Variants in PCGF5 observed in about 807,000 individuals in gnomAD.
PCGF5 encodes polycomb group ring finger 5, also known as polycomb group RING finger protein 5.
A neutral mutation model predicts 44.3 loss-of-function variants in PCGF5; 9 were observed. The observed-to-expected ratio is 0.20, with a 90% CI of 0.12 to 0.35. The LOEUF is 0.35. PCGF5 is among the 10% of genes least tolerant of loss of function. The probability of loss-of-function intolerance (pLI) is 1.00; values close to 1 mark genes in which losing one functional copy is unlikely to be tolerated. For missense variants in PCGF5, 146 were observed against 305.3 expected, an observed-to-expected ratio of 0.48 and a Z score of 3.89; for synonymous variants, 95 against 102.5, an observed-to-expected ratio of 0.93 and a Z score of 0.44.
intron 8 of PCGF5, among the ~76,000 whole-genome samples, chr10:91,269,485 G>T (rs527635395): frequency 4.6e-5 from 7 of 152,090 alleles, no homozygotes; most frequent in South Asian, 4.1e-4. Context: ...TCCTTTTGTG[G>T]CTGTAGCATA....
At chr10:91,274,355 T>G (rs1846256014) in intron 9 of PCGF5, among the ~76,000 whole-genome samples, 2 of 152,164 alleles carry the variant, frequency 1.3e-5, no homozygotes, top group African/African-American at 4.8e-5. Context: ...ATTTTAAAGC[T>G]GAAGTAATTA....
chr10:91,278,192 C>A, intron 9 of PCGF5, 77 bp from the exon 10 acceptor site: 1 of 1,247,904 alleles, frequency 8.0e-7, no homozygotes, highest in Non-Finnish European at 1.2e-6. Flanking sequence ...ACTCCGAATT[C>A]TTAAAATCTT....
At chr10:91,174,855 C>G (rs1843674365) in intron 1 of PCGF5, among the ~76,000 whole-genome samples, 1 of 152,194 alleles carries the variant, frequency 6.6e-6, no homozygotes, top group Admixed American at 6.5e-5. Context: ...TACTGTCAGT[C>G]TCTCCTGCAA....
At position 91,251,298 on chromosome 10, in the gene PCGF5, C is replaced by T. The variant is rs375287111; in HGVS notation, c.332C>T (p.Thr111Ile). ...NKPQENGQDD[T>I]SKADKPKVDE... ...TTTTGTTTAAATTATACAGATGATA[C>T]TTCAAAAGCTGACAAACCGAAAGTA... The change falls in exon 6 of 10, where the codon ACT becomes ATT. Residue 111 changes from threonine (T) to isoleucine (I), a missense_variant. This residue lies in a region of PCGF5 where 123 missense variants were observed against 268.6 expected (regional missense o/e 0.46). Coordinates refer to ENST00000336126, the MANE Select transcript of PCGF5 (RefSeq NM_032373.5). The T allele has an allele frequency of 3.1e-6, 5 of 1,605,940 alleles. No homozygotes were observed. Among genetic ancestry groups the T allele is most frequent in the South Asian group, 1.1e-5 (1 of 90,816 alleles).
intron 1 of PCGF5, among the ~76,000 whole-genome samples, chr10:91,214,210 G>A (rs1844501722): frequency 6.6e-6 from 1 of 152,076 alleles, no homozygotes; most frequent in Non-Finnish European, 1.5e-5. Context: ...GTTGAGGTGG[G>A]AGGATCACTT....
intron 3 of PCGF5, among the ~76,000 whole-genome samples, chr10:91,247,624 A>G (rs1845501460): frequency 2.0e-5 from 3 of 152,056 alleles, no homozygotes; most frequent in Admixed American, 2.0e-4. Flanking sequence ...AATGGGATTG[A>G]AGACAAAAGG....
rs1351803360 is a variant in PCGF5, at chr10:91,247,339, G to A, written c.210-1166G>A. Reference sequence around the variant, plus strand: ...AATTTTAAACCTATTCAATATGGAAGTTATAGATGATTTTGAGAATTCAGT... The same window carrying A: ...AATTTTAAACCTATTCAATATGGAAATTATAGATGATTTTGAGAATTCAGT... On this transcript the variant is annotated intron_variant, in intron 3 of 9. Coordinates refer to ENST00000336126, the MANE Select transcript of PCGF5 (RefSeq NM_032373.5). Among the ~76,000 whole-genome samples, 2 of 152,046 alleles carry A rather than the reference G, an allele frequency of 1.3e-5. 1 individual carries two copies. Among genetic ancestry groups the A allele is most frequent in the East Asian group, 3.9e-4 (2 of 5,188 alleles).
chr10:91,279,036 T>C lies in PCGF5; in HGVS notation c.*720T>C, dbSNP rs1273827549. On this transcript the variant is annotated 3_prime_UTR_variant, in exon 10 of 10. Transcript: ENST00000336126. Reference sequence around the variant, plus strand: ...TTAGATTCCCAACCATTCAAAATGTTGGCAGCTGATCACATTTACTTCTGA... The same window carrying C: ...TTAGATTCCCAACCATTCAAAATGTCGGCAGCTGATCACATTTACTTCTGA... 4 of 152,600 alleles carry C rather than the reference T, an allele frequency of 2.6e-5. No individual in the cohort carries two copies. Among genetic ancestry groups the C allele is most frequent in the Non-Finnish European group, 5.9e-5 (4 of 68,034 alleles). 9.5% of individuals were successfully genotyped at this position (152,600 alleles called of 1,614,324 possible).
intron 1 of PCGF5, among the ~76,000 whole-genome samples, chr10:91,178,954 G>A (rs7069171): frequency 0.035 from 5,261 of 152,168 alleles, 325 homozygotes; most frequent in African/African-American, 0.12. Flanking sequence ...ACATCTTTTG[G>A]GGGAGCTTTT....
intron 3 of PCGF5, among the ~76,000 whole-genome samples, chr10:91,247,964 T>G (rs1845511037): frequency 6.6e-6 from 1 of 152,108 alleles, no homozygotes; most frequent in South Asian, 2.1e-4. Context: ...AGCTGTGCAT[T>G]GGGTAATCTG....
upstream of PCGF5, among the ~76,000 whole-genome samples, chr10:91,218,339 CTA>C (rs1250054380): frequency 6.6e-6 from 1 of 152,054 alleles, no homozygotes; most frequent in Non-Finnish European, 1.5e-5. Flanking sequence ...TCCCCTGGTC[CTA>C]TATCCAGTTG....
In PCGF5 at chr10:91,278,533, A is replaced by G. The variant is rs1846372676; in HGVS notation, c.*217A>G. On this transcript the variant is annotated 3_prime_UTR_variant, in exon 10 of 10. Coordinates refer to ENST00000336126, the MANE Select transcript of PCGF5 (RefSeq NM_032373.5). ...TGCTACTGAACCATCTGCATAAGGTATTTGTGTTGTCTCAAAGTGTGCAAG... is the reference window on the plus strand; with the variant it reads ...TGCTACTGAACCATCTGCATAAGGTGTTTGTGTTGTCTCAAAGTGTGCAAG... 1.9e-6 allele frequency: 1 copy of G among 530,690 alleles called. No individual in the cohort carries two copies. Among genetic ancestry groups the G allele is most frequent in the Non-Finnish European group, 3.4e-6 (1 of 295,504 alleles). 32.9% of individuals were successfully genotyped at this position (530,690 alleles called of 1,614,324 possible). A position where few individuals can be genotyped will look rare whatever the true frequency, so the allele number is the denominator to read the frequency against.
upstream of PCGF5, among the ~76,000 whole-genome samples, chr10:91,219,830 G>A (rs1261917522): frequency 6.6e-6 from 1 of 152,104 alleles, no homozygotes; most frequent in African/African-American, 2.4e-5. Flanking sequence ...CACTTGTATG[G>A]CTGCTGGACT....
intron 1 of PCGF5, among the ~76,000 whole-genome samples, chr10:91,201,519 G>A (rs1844251684): frequency 6.6e-6 from 1 of 152,124 alleles, no homozygotes; most frequent in Non-Finnish European, 1.5e-5. Context: ...GAAGCCCAAT[G>A]TGTAAAAAAA....
chr10:91,198,841 T>C (rs777885872), intron 1 of PCGF5, among the ~76,000 whole-genome samples: 6 of 152,242 alleles, frequency 3.9e-5, no homozygotes, highest in Non-Finnish European at 8.8e-5. Flanking sequence ...GGGTTATTTC[T>C]ACCCCATGGT....
At chr10:91,163,015 A>ACGCG (rs1564621717) in exon 1 of PCGF5, 1 of 143,052 alleles carries the variant, frequency 7.0e-6, no homozygotes, top group Non-Finnish European at 1.5e-5. Flanking sequence ...CTACCGCCCC[A>ACGCG]CGCGCGCGCG....
intron 8 of PCGF5, among the ~76,000 whole-genome samples, chr10:91,264,767 C>T (rs974670433): frequency 2.0e-5 from 3 of 152,184 alleles, no homozygotes; most frequent in African/African-American, 7.2e-5. Context: ...GTTCAGGACT[C>T]TACTAACCAA....
At chr10:91,225,502 A>G (rs12255971) in intron 2 of PCGF5, among the ~76,000 whole-genome samples, 3,756 of 151,572 alleles carry the variant, frequency 0.025, 164 homozygotes, top group African/African-American at 0.087. Flanking sequence ...TTTATCGTCA[A>G]CAGAGAACAC....
rs928906690 is a variant in PCGF5 at position 91,261,512 on chromosome 10, C to G, written c.573+88C>G. 4 of 1,271,090 alleles carry G rather than the reference C, an allele frequency of 3.1e-6. No homozygotes were observed. In the African/African-American group the frequency reaches 6.0e-5, roughly 19 times the overall value. The allele number at this position is 1,271,090 out of a possible 1,614,324, so 78.7% of individuals were successfully genotyped here. On this transcript the variant is annotated intron_variant, in intron 7 of 9. Coordinates refer to ENST00000336126, the MANE Select transcript of PCGF5 (RefSeq NM_032373.5). Reference sequence around the variant, plus strand: ...CAAAAGTGAAAACTGAGAATATATTCAAATTAATTTTTGTGGAAACTTTGA... The same window carrying G: ...CAAAAGTGAAAACTGAGAATATATTGAAATTAATTTTTGTGGAAACTTTGA...
Sources: gnomAD v4.1 joint callset for allele counts (sites outside exome capture counted in the v4.1 genomes callset) on GRCh38, gnomAD v4.1.1 for gene constraint, gnomAD v4.1.1 regional missense constraint, MANE v1.5 for transcripts, NCBI Gene and HGNC (gene_info 2026-07-23, HGNC 2026-07-21) for gene names.